Variants in AFAP1 observed in about 807,000 individuals in gnomAD.
AFAP1 encodes the protein actin filament-associated protein 1.
A neutral mutation model predicts 93.9 loss-of-function variants in AFAP1; 75 were observed. That is an observed-to-expected ratio of 0.80 (90% CI 0.66 to 0.97). AFAP1 has a LOEUF of 0.97. Among genes scored for constraint, AFAP1 ranks in the 50% least tolerant of loss-of-function variants. AFAP1 has a pLI of 0.00. For missense variants in AFAP1, 1,201 were observed against 1,050.8 expected (o/e 1.14, Z -1.98); for synonymous variants, 517 against 430.7 (o/e 1.20, Z -2.48).
intron 2 of AFAP1, among the ~76,000 whole-genome samples, chr4:7,869,313 G>T (rs1035229307): frequency 6.6e-6 from 1 of 152,222 alleles, no homozygotes; most frequent in Non-Finnish European, 1.5e-5. Flanking sequence ...GCCAGAGCCT[G>T]CATGCTCCTC....
At chr4:7,902,580 C>G (rs2149218260) in intron 1 of AFAP1, among the ~76,000 whole-genome samples, 1 of 152,294 alleles carries the variant, frequency 6.6e-6, no homozygotes, top group South Asian at 2.1e-4. Flanking sequence ...GTATGAGAAA[C>G]AGGGACATTT....
chr4:7,765,089 G>T (rs1230408010), intron 17 of AFAP1, among the ~76,000 whole-genome samples: 4 of 151,428 alleles, frequency 2.6e-5, no homozygotes, highest in Non-Finnish European at 5.9e-5. Flanking sequence ...GGTCAACAGA[G>T]CAAGACCCTG....
intron 1 of AFAP1, among the ~76,000 whole-genome samples, chr4:7,883,882 T>A (rs552582659): frequency 1.0e-3 from 159 of 152,318 alleles, no homozygotes; most frequent in South Asian, 3.9e-3. Context: ...AAGATGTCAA[T>A]TCTCCCCAAG....
chr4:7,805,348 G>C (rs1218255977), intron 9 of AFAP1, among the ~76,000 whole-genome samples: 1 of 152,220 alleles, frequency 6.6e-6, no homozygotes, highest in Non-Finnish European at 1.5e-5. Flanking sequence ...TGGCTACCCA[G>C]GCTCCATGAA....
At chr4:7,916,335 G>T (rs1333654131) in intron 1 of AFAP1, among the ~76,000 whole-genome samples, 1 of 152,186 alleles carries the variant, frequency 6.6e-6, no homozygotes, top group Non-Finnish European at 1.5e-5. Context: ...TTCTGTTACA[G>T]AAATATTTAT....
intron 1 of AFAP1, among the ~76,000 whole-genome samples, chr4:7,877,969 C>A (rs141691826): frequency 3.9e-5 from 6 of 152,102 alleles, no homozygotes; most frequent in East Asian, 1.9e-4. Context: ...TGCCTGACTA[C>A]GTTCAACATA....
intron 1 of AFAP1, among the ~76,000 whole-genome samples, chr4:7,914,325 G>C (rs1719942669): frequency 6.6e-6 from 1 of 152,148 alleles, no homozygotes; most frequent in African/African-American, 2.4e-5. Context: ...ACAGTGCTGG[G>C]ATTACAGGCA....
chr4:7,843,674 C>T (rs551271189), intron 4 of AFAP1: 3 of 275,426 alleles, frequency 1.1e-5, no homozygotes, highest in Non-Finnish European at 2.1e-5. Context: ...GCGCCATCCT[C>T]ATTCTGCAGA....
In AFAP1 at chr4:7,773,027, C is replaced by G. The variant is rs188876604; in HGVS notation, c.2063-17G>C. On this transcript the variant is annotated splice_polypyrimidine_tract_variant and intron_variant, in intron 15 of 17. Coordinates refer to ENST00000420658, the MANE Select transcript of AFAP1 (RefSeq NM_001134647.2). Reference sequence around the variant, plus strand: ...GCTTCCTGCCTGGAATTCCCAGAAACGCCGTTACTCCCGCGGCAGGCACAG... The same window carrying G: ...GCTTCCTGCCTGGAATTCCCAGAAAGGCCGTTACTCCCGCGGCAGGCACAG... 3.1e-6 allele frequency: 5 copies of G among 1,603,162 alleles called. No individual in the cohort carries two copies. The highest frequency in any genetic ancestry group is 4.2e-6 in the Non-Finnish European group (5 of 1,178,818).
At chr4:7,779,669 C>A (rs1206762522) in intron 13 of AFAP1, among the ~76,000 whole-genome samples, 5 of 152,194 alleles carry the variant, frequency 3.3e-5, no homozygotes, top group Non-Finnish European at 7.3e-5. Flanking sequence ...CAAATTCTGG[C>A]TCTATCAATC....
intron 1 of AFAP1, among the ~76,000 whole-genome samples, chr4:7,911,196 C>T (rs1361163939): frequency 6.6e-6 from 1 of 152,182 alleles, no homozygotes; most frequent in Non-Finnish European, 1.5e-5. Context: ...GGCTGACTAG[C>T]GAGCCAGGAC....
intron 14 of AFAP1, 22 bp from the exon 15 acceptor site, chr4:7,774,925 C>T: frequency 6.3e-7 from 1 of 1,597,120 alleles, no homozygotes; most frequent in African/African-American, 1.4e-5. Context: ...AAAAAAGCAG[C>T]AATTAAAAAT....
chr4:7,870,773 A>G (rs1453298600), intron 2 of AFAP1, among the ~76,000 whole-genome samples: 2 of 152,162 alleles, frequency 1.3e-5, no homozygotes, highest in African/African-American at 4.8e-5. Context: ...ACCCACGTTC[A>G]AACTGCCACC....
At chr4:7,774,098 C>G (rs935857618) in intron 15 of AFAP1, 2 of 152,500 alleles carry the variant, frequency 1.3e-5, no homozygotes, top group African/African-American at 4.8e-5. Context: ...AGCGGTGCCA[C>G]CCCAGGCTCA....
At chr4:7,901,929 T>C (rs560504899) in intron 1 of AFAP1, among the ~76,000 whole-genome samples, 1 of 152,244 alleles carries the variant, frequency 6.6e-6, no homozygotes, top group Non-Finnish European at 1.5e-5. Context: ...AGAGATTTTA[T>C]AGTGGAATGC....
intron 1 of AFAP1, among the ~76,000 whole-genome samples, chr4:7,905,564 T>A (rs1475284869): frequency 6.6e-6 from 1 of 152,224 alleles, no homozygotes; most frequent in Non-Finnish European, 1.5e-5. Flanking sequence ...CTAAAAAGAT[T>A]TCTTTTTCAC....
chr4:7,837,486 C>T (rs536126087), intron 6 of AFAP1, among the ~76,000 whole-genome samples: 4 of 152,302 alleles, frequency 2.6e-5, no homozygotes, highest in South Asian at 2.1e-4. Context: ...CTGAATAGAA[C>T]GGTCCCTTGA....
intron 1 of AFAP1, among the ~76,000 whole-genome samples, chr4:7,916,422 T>A (rs961470952): frequency 1.3e-5 from 2 of 152,190 alleles, no homozygotes; most frequent in Admixed American, 6.5e-5. Context: ...TGCACTCACT[T>A]GCGTCTCAAA....
chr4:7,898,746 A>AT (rs1287682776), intron 1 of AFAP1, among the ~76,000 whole-genome samples: 3 of 148,816 alleles, frequency 2.0e-5, no homozygotes, highest in African/African-American at 7.4e-5. Flanking sequence ...AAGCACATCT[A>AT]TTTTTTCACG....
Sources: allele counts gnomAD v4.1 joint callset (sites outside exome capture counted in the v4.1 genomes callset), GRCh38; gene constraint gnomAD v4.1.1; transcripts MANE v1.5; gene names NCBI Gene and HGNC (gene_info 2026-07-23, HGNC 2026-07-21).